The following ARL10 variants were observed in gnomAD, a reference collection of about 807,000 sequenced individuals.
ARL10 encodes the protein ARF like GTPase 10.
A neutral mutation model predicts 26.1 loss-of-function variants in ARL10; 23 were observed. The ratio of observed to expected loss-of-function variants is 0.88; its 90% CI spans 0.63 to 1.25. ARL10 has a LOEUF of 1.25. ARL10 is among the 50% of genes most tolerant of loss of function. ARL10 has a pLI of 0.00. For synonymous variants in ARL10, 138 were observed against 149.1 expected (o/e 0.93, Z 0.54); for missense variants, 300 against 323.6 (o/e 0.93, Z 0.56).
chr5:176,396,468 CAG>C (rs1329636787), intron 1 of ARL10: 1 of 1,612,522 alleles, frequency 6.2e-7, no homozygotes, highest in East Asian at 2.2e-5. Context: ...AGAAGCAAAA[CAG>C]ACACGTACAC....
intron 1 of ARL10, chr5:176,396,360 C>G: frequency 1.1e-6 from 1 of 930,012 alleles, no homozygotes; most frequent in South Asian, 1.3e-5. Context: ...GCCTCCTGTT[C>G]TGACCATTGC....
chr5:176,366,338 C>T, intron 1 of ARL10, 42 bp from the exon 2 acceptor site: 4 of 1,560,586 alleles, frequency 2.6e-6, no homozygotes, highest in Middle Eastern at 2.3e-4. Context: ...AAAGGTCCTT[C>T]GGGAGGCCGC....
At chr5:176,398,221 C>G (rs1243045595) in intron 1 of ARL10, among the ~76,000 whole-genome samples, 4 of 152,236 alleles carry the variant, frequency 2.6e-5, no homozygotes, top group Non-Finnish European at 4.4e-5. Context: ...GCCAGCAACA[C>G]TCCGCCACCT....
downstream of ARL10, among the ~76,000 whole-genome samples, chr5:176,392,157 TACCACCA>T (rs1756281532): frequency 1.3e-5 from 2 of 152,194 alleles, 1 homozygote; most frequent in African/African-American, 4.8e-5. This position sits in a 1 kb window ranked among gnomAD's most constrained non-coding sequence, Gnocchi z 5.2. Context: ...AGGAGGAAGC[TACCACCA>T]GGAACCTCTG....
At chr5:176,385,945 T>C (rs897601673), downstream of ARL10, 7 of 152,536 alleles carry the variant, frequency 4.6e-5, no homozygotes, top group African/African-American at 1.4e-4. Context: ...AGAAATGAAG[T>C]AGTCGAATCA....
downstream of ARL10, chr5:176,385,477 A>G (rs1755769068): frequency 1.6e-6 from 1 of 613,040 alleles, no homozygotes; most frequent in East Asian, 2.7e-5. Context: ...TCCCAAATCC[A>G]TTGTTGGAAC....
At chr5:176,392,906 C>G (rs142767109), downstream of ARL10, 3 of 1,614,102 alleles carry the variant, frequency 1.9e-6, no homozygotes, top group African/African-American at 4.0e-5. This position sits in a 1 kb window ranked among gnomAD's most constrained non-coding sequence, Gnocchi z 5.2. Context: ...TGCCTGGGGT[C>G]TCCTCCTTGG....
chr5:176,404,287 C>T (rs1342507831), downstream of ARL10, among the ~76,000 whole-genome samples: 1 of 152,220 alleles, frequency 6.6e-6, no homozygotes, highest in Non-Finnish European at 1.5e-5. Flanking sequence ...GCCCCCAGGT[C>T]TCATGGCCCG....
intron 1 of ARL10, among the ~76,000 whole-genome samples, chr5:176,396,977 T>A (rs1756555109): frequency 6.6e-6 from 1 of 152,074 alleles, no homozygotes. Context: ...TTCCTCCTAG[T>A]CATCTTCCAA....
At chr5:176,395,473 T>C (rs1363891744) in intron 1 of ARL10, among the ~76,000 whole-genome samples, 1 of 152,230 alleles carries the variant, frequency 6.6e-6, no homozygotes, top group African/African-American at 2.4e-5. Flanking sequence ...TCTGGTGTGC[T>C]CTGTGCCCTG....
In ARL10 at chr5:176,372,963, G is replaced by C. The variant is rs1768590175; in HGVS notation, c.*1068G>C. ...AGATGTCAGTGGAGACAAAGTTGTG[G>C]GTTCCTCCTCCCACCTGGCTTTGAG... On this transcript the variant is annotated 3_prime_UTR_variant, in exon 4 of 4. Transcript: ENST00000310389. The C allele has an allele frequency of 5.0e-6, 2 of 398,584 alleles. No individual in the cohort carries two copies. The highest frequency in any genetic ancestry group is 8.8e-6 in the Non-Finnish European group (2 of 226,062). 24.7% of individuals were successfully genotyped at this position (398,584 alleles called of 1,614,324 possible).
the ARL10 span, among the ~76,000 whole-genome samples, chr5:176,413,818 C>G: frequency 1.9e-3 from 283 of 152,332 alleles, 1 homozygote; most frequent in African/African-American, 6.6e-3. Flanking sequence ...CCTCCCTGCT[C>G]CCCGATCCAA....
At chr5:176,398,054 C>T in intron 1 of ARL10, 1 of 1,612,510 alleles carries the variant, frequency 6.2e-7, no homozygotes, top group Non-Finnish European at 8.5e-7. Flanking sequence ...CCTCCTAGAA[C>T]ACAAACACGC....
At chr5:176,398,434 G>A (rs762111738) in intron 1 of ARL10, among the ~76,000 whole-genome samples, 11 of 152,094 alleles carry the variant, frequency 7.2e-5, no homozygotes, top group Middle Eastern at 3.2e-3. Context: ...AAAGAATGTC[G>A]GGCGCAGTGG....
In ARL10 at chr5:176,368,867, T is replaced by C. The variant is rs745823364; in HGVS notation, c.446T>C (p.Leu149Pro). Reference protein sequence around the residue: ...WKEFVSEVDVLVFVVDSADRL... With the variant: ...WKEFVSEVDVPVFVVDSADRL... Reference sequence around the variant, plus strand: ...GAGTTTGTGAGCGAGGTGGATGTGCTGGTGTTTGTGGTGGACTCGGCTGAC... The same window carrying C: ...GAGTTTGTGAGCGAGGTGGATGTGCCGGTGTTTGTGGTGGACTCGGCTGAC... The change falls in exon 3 of 4, where the codon CTG (leucine) becomes CCG (proline). Residue 149 changes from leucine to proline, a missense_variant. Leu to Pro is a moderately conservative substitution (Grantham distance 98). Transcript: ENST00000310389. This position sits in a 1 kb window ranked among gnomAD's most constrained non-coding sequence, Gnocchi z 4.1. 1 of 1,614,184 alleles carries C rather than the reference T, an allele frequency of 6.2e-7. No individual in the cohort carries two copies. Among genetic ancestry groups the C allele is most frequent in the Non-Finnish European group, 8.5e-7 (1 of 1,180,022 alleles).
chr5:176,371,304 C>T (rs1462288883), intron 3 of ARL10, among the ~76,000 whole-genome samples: 1 of 152,152 alleles, frequency 6.6e-6, no homozygotes, highest in Non-Finnish European at 1.5e-5. Flanking sequence ...CAGGATTCCA[C>T]CACAGGAGGT....
downstream of ARL10, among the ~76,000 whole-genome samples, chr5:176,403,670 TC>T (rs907739948): frequency 6.6e-6 from 1 of 151,816 alleles, no homozygotes; most frequent in Non-Finnish European, 1.5e-5. Flanking sequence ...TCCAGGCTGG[TC>T]TTGAACTCCT....
At chr5:176,391,462 A>G (rs1346743836), downstream of ARL10, among the ~76,000 whole-genome samples, 1 of 152,134 alleles carries the variant, frequency 6.6e-6, no homozygotes, top group Non-Finnish European at 1.5e-5. Context: ...AAATACAAAG[A>G]TTAGCCAAAT....
chr5:176,371,231 C>T (rs1047525009), intron 3 of ARL10, among the ~76,000 whole-genome samples: 3 of 152,126 alleles, frequency 2.0e-5, no homozygotes, highest in Non-Finnish European at 2.9e-5. Flanking sequence ...AAAAATTAGC[C>T]AGGCGTGGTG....
Sources: gnomAD v4.1 joint callset for allele counts (sites outside exome capture counted in the v4.1 genomes callset) on GRCh38, gnomAD v4.1.1 for gene constraint, Gnocchi (gnomAD v3.1) non-coding constraint, MANE v1.5 for transcripts, NCBI Gene and HGNC (gene_info 2026-07-23, HGNC 2026-07-21) for gene names.